Variants in RPS6KA5 observed in about 807,000 individuals in gnomAD.
RPS6KA5 encodes ribosomal protein S6 kinase A5, also known as ribosomal protein S6 kinase alpha-5.
RPS6KA5 carries 27 observed loss-of-function variants against 85.5 expected under a neutral mutation model. The observed-to-expected ratio is 0.32, with a 90% CI of 0.23 to 0.44. The LOEUF is 0.44. Among genes scored for constraint, RPS6KA5 ranks in the 20% least tolerant of loss-of-function variants. The pLI is 1.00. For missense variants in RPS6KA5, 811 were observed against 980.9 expected, an observed-to-expected ratio of 0.83 and a Z score of 2.31; for synonymous variants, 334 against 348.2, an observed-to-expected ratio of 0.96 and a Z score of 0.46.
chr14:91,004,973 AAAAAAAAC>A lies in RPS6KA5; in HGVS notation c.104-3822_104-3815del, dbSNP rs746800335. Among the ~76,000 whole-genome samples, 1,303 of 152,012 alleles carry A rather than the reference AAAAAAAAC, an allele frequency of 8.6e-3. 7 individuals are homozygous for A. The highest frequency in any genetic ancestry group is 0.034 in the Middle Eastern group (10 of 294). On this transcript the variant is annotated intron_variant, in intron 1 of 16. Transcript: ENST00000614987. ...CGACAAAGTGAGACTCCGTCTCAAA[AAAAAAAAC>A]AAAAAAACAAAAAAACAAAAAAACA... is the stretch of plus-strand genomic sequence containing the variant.
chr14:90,891,305 G>A lies in RPS6KA5; in HGVS notation c.1645-627C>T, dbSNP rs542396876. 1.3e-5 allele frequency among the ~76,000 whole-genome samples: 2 copies of A among 150,778 alleles called. 1 individual carries two copies. Among genetic ancestry groups the A allele is most frequent in the East Asian group, 3.9e-4 (2 of 5,162 alleles). ...ATTGCCTATTGAAGAAGACATGGTA[G>A]AGACACCCATTACATTTCAGAAATA... On this transcript the variant is annotated intron_variant, in intron 13 of 16. Transcript: ENST00000614987.
intron 1 of RPS6KA5, among the ~76,000 whole-genome samples, chr14:91,025,486 T>A (rs1309791582): frequency 6.6e-6 from 1 of 152,202 alleles, no homozygotes; most frequent in Non-Finnish European, 1.5e-5. Context: ...ATACTCCCTA[T>A]CTCTGAGCAA....
intron 11 of RPS6KA5, 73 bp from the exon 12 acceptor site, chr14:90,899,495 ATT>A: frequency 1.0e-6 from 1 of 952,916 alleles, no homozygotes; most frequent in Non-Finnish European, 1.7e-6. Flanking sequence ...CCCAAGACTA[ATT>A]TTGTCTTATT....
rs370334015 is a variant in RPS6KA5, at chr14:90,961,034, C to T, written c.395-13484G>A. ...GGCAGGGGAAGTGGGAAAGGGCTCCCGACAGACAAGAATCCGGATGTAAAA... is the reference window on the plus strand; with the variant it reads ...GGCAGGGGAAGTGGGAAAGGGCTCCTGACAGACAAGAATCCGGATGTAAAA... On this transcript the variant is annotated intron_variant, in intron 3 of 16. Transcript: ENST00000614987. Among the ~76,000 whole-genome samples the T allele has an allele frequency of 3.3e-5, 5 of 152,244 alleles. No homozygotes were observed. In the East Asian group the frequency reaches 7.7e-4, roughly 24 times the overall value.
At chr14:90,979,091 C>T (rs757947210) in intron 2 of RPS6KA5, among the ~76,000 whole-genome samples, 4 of 152,184 alleles carry the variant, frequency 2.6e-5, no homozygotes, top group Non-Finnish European at 5.9e-5. Flanking sequence ...GACAGAAGCC[C>T]TTTTGTATCT....
At chr14:91,019,915 G>A (rs1375131780) in intron 1 of RPS6KA5, among the ~76,000 whole-genome samples, 1 of 152,188 alleles carries the variant, frequency 6.6e-6, no homozygotes, top group African/African-American at 2.4e-5. Flanking sequence ...ACCATAGAAT[G>A]TGCTTACTCA....
chr14:91,021,835 A>G (rs188690868), intron 1 of RPS6KA5, among the ~76,000 whole-genome samples: 2 of 151,760 alleles, frequency 1.3e-5, no homozygotes, highest in Middle Eastern at 3.4e-3. Flanking sequence ...CTCTCTTTCT[A>G]TTTTTGAGAA....
At position 90,909,817 on chromosome 14, in the gene RPS6KA5, G is replaced by C. The variant is rs144716532; in HGVS notation, c.807-3518C>G. On this transcript the variant is annotated intron_variant, in intron 7 of 16. Transcript: ENST00000614987. ...ATTATTATTATTATTTTTTGAGATG[G>C]ATTCTCGCTCTGTTGCCAGGTTGGA... is the stretch of plus-strand genomic sequence containing the variant. Among the ~76,000 whole-genome samples the C allele has an allele frequency of 2.4e-4, 36 of 152,002 alleles. 2 individuals carry two copies. The highest frequency in any genetic ancestry group is 2.9e-5 in the Non-Finnish European group (2 of 68,016).
At chr14:91,015,668 C>T (rs534685196) in intron 1 of RPS6KA5, among the ~76,000 whole-genome samples, 76 of 152,288 alleles carry the variant, frequency 5.0e-4, no homozygotes, top group African/African-American at 1.8e-3. Flanking sequence ...TTTCTGTTTT[C>T]CAGACTACAT....
At chr14:91,023,761 G>A (rs7151354) in intron 1 of RPS6KA5, among the ~76,000 whole-genome samples, 107,420 of 151,746 alleles carry the variant, frequency 0.71, 38,137 homozygotes, top group East Asian at 0.87. Context: ...CTATCCTTCC[G>A]TTTATAATTT....
chr14:90,861,444 C>G lies in RPS6KA5; in HGVS notation c.*10630G>C, dbSNP rs1277095674. Reference sequence around the variant, plus strand: ...GGCTGAGGCAGGAGAATGGCATGAACCCGGGAGGCGGAGCTTGCAGTGAGC... The same window carrying G: ...GGCTGAGGCAGGAGAATGGCATGAAGCCGGGAGGCGGAGCTTGCAGTGAGC... On this transcript the variant is annotated 3_prime_UTR_variant, in exon 17 of 17. Transcript: ENST00000614987. The G allele has an allele frequency of 6.7e-6, 1 of 148,488 alleles. No homozygotes were observed. 9.2% of individuals were successfully genotyped at this position (148,488 alleles called of 1,614,324 possible).
intron 1 of RPS6KA5, among the ~76,000 whole-genome samples, chr14:91,059,629 C>T (rs1032224243): frequency 1.3e-5 from 2 of 152,188 alleles, no homozygotes; most frequent in African/African-American, 2.4e-5. Flanking sequence ...AACATTAGAA[C>T]GTAAGCGCTG....
At chr14:90,892,011 T>G (rs1242147424) in intron 13 of RPS6KA5, among the ~76,000 whole-genome samples, 5 of 151,830 alleles carry the variant, frequency 3.3e-5, no homozygotes, top group Non-Finnish European at 7.4e-5. Context: ...TTTTTTTTTT[T>G]TTTGAGAGAG....
chr14:91,041,826 G>A (rs1321170895), intron 1 of RPS6KA5, among the ~76,000 whole-genome samples: 2 of 152,148 alleles, frequency 1.3e-5, no homozygotes, highest in African/African-American at 4.8e-5. Flanking sequence ...TGTACTTCTG[G>A]TGTATAAAAC....
At chr14:91,025,923 A>T (rs2041974830) in intron 1 of RPS6KA5, among the ~76,000 whole-genome samples, 1 of 152,134 alleles carries the variant, frequency 6.6e-6, no homozygotes, top group South Asian at 2.1e-4. Flanking sequence ...GATGTGGCGT[A>T]CAAATGATTC....
intron 13 of RPS6KA5, among the ~76,000 whole-genome samples, chr14:90,893,067 C>T (rs1566702030): frequency 6.6e-6 from 1 of 152,148 alleles, no homozygotes. Context: ...CATGAGGTGA[C>T]AGATGGCCAG....
intron 1 of RPS6KA5, among the ~76,000 whole-genome samples, chr14:91,020,552 GTGTGTGTGTGTGTGTGTGT>G (rs2041709532): frequency 4.1e-5 from 2 of 48,342 alleles, no homozygotes; most frequent in Non-Finnish European, 1.0e-4. Context: ...GTGTGTGTGT[GTGTGTGTGTGTGTGTGTGT>G]GTGTGTGTGT....
At chr14:90,938,132 A>G (rs2037374647) in intron 5 of RPS6KA5, among the ~76,000 whole-genome samples, 1 of 152,222 alleles carries the variant, frequency 6.6e-6, no homozygotes, top group South Asian at 2.1e-4. Flanking sequence ...CAAATGGGAG[A>G]AACTGGCCAA....
intron 8 of RPS6KA5, among the ~76,000 whole-genome samples, chr14:90,903,181 T>C (rs2035278947): frequency 6.6e-6 from 1 of 152,130 alleles, no homozygotes; most frequent in Non-Finnish European, 1.5e-5. Flanking sequence ...GATGAGACTA[T>C]CGCTGTTGAA....
Sources: gnomAD v4.1 joint callset for allele counts (sites outside exome capture counted in the v4.1 genomes callset) on GRCh38, gnomAD v4.1.1 for gene constraint, MANE v1.5 for transcripts, NCBI Gene and HGNC (gene_info 2026-07-23, HGNC 2026-07-21) for gene names.